Variants in CLSTN1 observed in about 807,000 individuals in gnomAD.
The protein encoded by CLSTN1 is calsyntenin-1.
A neutral mutation model predicts 108.3 loss-of-function variants in CLSTN1; 28 were observed. That is an observed-to-expected ratio of 0.26 (90% CI 0.19 to 0.35). The LOEUF is 0.35. CLSTN1 is among the 10% of genes least tolerant of loss of function. The probability of loss-of-function intolerance (pLI) is 1.00; values close to 1 mark genes in which losing one functional copy is unlikely to be tolerated. For synonymous variants in CLSTN1, 524 were observed against 534.9 expected (o/e 0.98, Z 0.28); for missense variants, 1,157 against 1,302.6 (o/e 0.89, Z 1.72).
At chr1:9,737,196 A>G (rs1425428484) in intron 11 of CLSTN1, among the ~76,000 whole-genome samples, 2 of 151,678 alleles carry the variant, frequency 1.3e-5, no homozygotes, top group African/African-American at 4.9e-5. Context: ...GGCCTCCCAA[A>G]CCCTGCCTGT....
intron 1 of CLSTN1, among the ~76,000 whole-genome samples, chr1:9,800,419 T>C (rs1288171016): frequency 6.6e-6 from 1 of 151,422 alleles, no homozygotes; most frequent in Non-Finnish European, 1.5e-5. Flanking sequence ...ACCCCATGGA[T>C]TAAAAAGATA....
chr1:9,764,056 G>A (rs534475778), intron 2 of CLSTN1, among the ~76,000 whole-genome samples: 10 of 151,906 alleles, frequency 6.6e-5, no homozygotes, highest in African/African-American at 1.5e-4. Flanking sequence ...CACTCACTGC[G>A]GAAGGCCAAG....
At chr1:9,743,723 G>GT (rs1212856517) in intron 9 of CLSTN1, among the ~76,000 whole-genome samples, 161 bp downstream of exon 9, 6 of 149,620 alleles carry the variant, frequency 4.0e-5, no homozygotes, top group Non-Finnish European at 5.9e-5. Flanking sequence ...AATTTTCGTG[G>GT]GTTTTTTTTT....
Position 9,769,591 on chromosome 1 carries a change from G to A in CLSTN1, c.214+3681C>T, listed in dbSNP as rs375865740. Among the ~76,000 whole-genome samples, 144 of 152,302 alleles carry A rather than the reference G, an allele frequency of 9.5e-4. 1 individual carries two copies. In the South Asian group the frequency reaches 0.029, roughly 31 times the overall value. ...ATCCAGAATAGAGAAATCTGTAGTGGTAGCCAGGGCTTGGGAGTGAAGGAG... is the reference window on the plus strand; with the variant it reads ...ATCCAGAATAGAGAAATCTGTAGTGATAGCCAGGGCTTGGGAGTGAAGGAG... On this transcript the variant is annotated intron_variant, in intron 2 of 18. Transcript: ENST00000377298.
intron 1 of CLSTN1, among the ~76,000 whole-genome samples, chr1:9,797,232 G>A (rs1194294773): frequency 1.3e-5 from 2 of 151,812 alleles, no homozygotes; most frequent in Non-Finnish European, 2.9e-5. Context: ...GAGGACCCTT[G>A]AGCCCACCCA....
At chr1:9,755,608 T>A (rs1298607758) in intron 3 of CLSTN1, among the ~76,000 whole-genome samples, 1 of 152,088 alleles carries the variant, frequency 6.6e-6, no homozygotes, top group Non-Finnish European at 1.5e-5. Context: ...CAGGAGCACT[T>A]AGATAGCTCG....
At chr1:9,814,099 CT>C (rs1040434241) in intron 1 of CLSTN1, among the ~76,000 whole-genome samples, 2 of 149,952 alleles carry the variant, frequency 1.3e-5, no homozygotes, top group African/African-American at 4.9e-5. Flanking sequence ...GAGACACTGT[CT>C]CAAAAAAAAA....
At position 9,801,986 on chromosome 1, in the gene CLSTN1, T is replaced by C. The variant is rs192899447; in HGVS notation, c.91+21657A>G. 1.4e-3 allele frequency among the ~76,000 whole-genome samples: 213 copies of C among 152,322 alleles called. 1 individual carries two copies. Among genetic ancestry groups the C allele is most frequent in the African/African-American group, 4.7e-3 (194 of 41,572 alleles). ...AAAAACAGCAAACACATGTTTACTA[T>C]AGTGTTCTAAGTACTTTACAAAATT... On this transcript the variant is annotated intron_variant, in intron 1 of 18. Coordinates refer to ENST00000377298, the MANE Select transcript of CLSTN1 (RefSeq NM_001009566.3).
chr1:9,757,462 C>T (rs1651874123), intron 2 of CLSTN1, among the ~76,000 whole-genome samples: 2 of 151,886 alleles, frequency 1.3e-5, no homozygotes, highest in African/African-American at 2.4e-5. Flanking sequence ...AGGATGGTCT[C>T]GATCTCCTGA....
At chr1:9,800,729 CA>C (rs58741058) in intron 1 of CLSTN1, among the ~76,000 whole-genome samples, 24,977 of 118,782 alleles carry the variant, frequency 0.21, 3,723 homozygotes, top group African/African-American at 0.45. Flanking sequence ...GATTCCATCT[CA>C]AAAAAAAAAT....
At chr1:9,799,369 C>T (rs1289515591) in intron 1 of CLSTN1, among the ~76,000 whole-genome samples, 5 of 152,012 alleles carry the variant, frequency 3.3e-5, no homozygotes, top group African/African-American at 7.3e-5. Flanking sequence ...GAGCCGGGCG[C>T]GGTGGCTCAC....
At chr1:9,810,435 C>G (rs1313474827) in intron 1 of CLSTN1, among the ~76,000 whole-genome samples, 1 of 151,072 alleles carries the variant, frequency 6.6e-6, no homozygotes, top group African/African-American at 2.4e-5. Flanking sequence ...AAGATCATGC[C>G]ACTGCACTCC....
intron 1 of CLSTN1, among the ~76,000 whole-genome samples, chr1:9,791,764 C>A (rs1395403978): frequency 6.8e-6 from 1 of 147,058 alleles, no homozygotes; most frequent in Admixed American, 6.9e-5. Flanking sequence ...GAACTCCTGA[C>A]CTTAAGTGAT....
intron 2 of CLSTN1, among the ~76,000 whole-genome samples, chr1:9,759,128 T>C (rs965420204): frequency 6.6e-6 from 1 of 151,918 alleles, no homozygotes; most frequent in Admixed American, 6.6e-5. Flanking sequence ...CTGGACAGAG[T>C]TGCTTTGAAT....
upstream of CLSTN1, chr1:9,824,230 G>C (rs971180360): frequency 6.6e-6 from 1 of 151,134 alleles, no homozygotes; most frequent in Admixed American, 6.6e-5. The surrounding 1 kb of genome is among the most constrained non-coding windows in gnomAD (Gnocchi z 5.0). Context: ...GCCGGGAGGG[G>C]CCCGGGGGAC....
intron 2 of CLSTN1, among the ~76,000 whole-genome samples, chr1:9,760,871 C>A (rs904046040): frequency 1.3e-5 from 2 of 151,714 alleles, no homozygotes; most frequent in Non-Finnish European, 2.9e-5. Context: ...CCATCACATA[C>A]GAAGGTGCAG....
At chr1:9,807,920 G>A (rs1179152767) in intron 1 of CLSTN1, among the ~76,000 whole-genome samples, 1 of 152,182 alleles carries the variant, frequency 6.6e-6, no homozygotes, top group Non-Finnish European at 1.5e-5. Context: ...ACCCTTCTCT[G>A]GTACCTCGGC....
rs902938286 is a variant in CLSTN1 at position 9,820,345 on chromosome 1, C to G, written c.91+3298G>C. Among the ~76,000 whole-genome samples the G allele has an allele frequency of 4.6e-5, 7 of 152,102 alleles. No individual in the cohort carries two copies. In the South Asian group the frequency reaches 1.0e-3, roughly 23 times the overall value. On this transcript the variant is annotated intron_variant, in intron 1 of 18. Transcript: ENST00000377298. ...ACCAGCCTGGCCAACATGGTGAAACCCTGTCTCTACTAAAAATACAAAAAT... is the reference window on the plus strand; with the variant it reads ...ACCAGCCTGGCCAACATGGTGAAACGCTGTCTCTACTAAAAATACAAAAAT...
intron 1 of CLSTN1, among the ~76,000 whole-genome samples, chr1:9,778,995 C>A (rs1653104732): frequency 1.3e-5 from 2 of 151,034 alleles, no homozygotes; most frequent in African/African-American, 2.4e-5. Context: ...TGCACTCCAG[C>A]CTGGGAGAGA....
Sources: allele counts gnomAD v4.1 joint callset (sites outside exome capture counted in the v4.1 genomes callset), GRCh38; gene constraint gnomAD v4.1.1; non-coding constraint Gnocchi (gnomAD v3.1); transcripts MANE v1.5; gene names NCBI Gene and HGNC (gene_info 2026-07-23, HGNC 2026-07-21).